Variants in TRPV4 observed in about 807,000 individuals in gnomAD.
TRPV4 encodes transient receptor potential cation channel subfamily V member 4.
A neutral mutation model predicts 84.1 loss-of-function variants in TRPV4; 58 were observed. The ratio of observed to expected loss-of-function variants is 0.69; its 90% CI spans 0.56 to 0.86. The LOEUF (loss-of-function observed/expected upper bound fraction) is 0.86, where lower values mean the gene tolerates loss of function less well. Ranked by LOEUF, TRPV4 falls within the 40% of genes least tolerant of loss-of-function variation. The pLI, the probability that TRPV4 is intolerant of heterozygous loss-of-function variation, is 0.00. For missense variants in TRPV4, 879 were observed against 1,181.1 expected (o/e 0.74, Z 3.75); for synonymous variants, 489 against 500.9 (o/e 0.98, Z 0.32).
At chr12:109,805,063 G>T (rs1169581464) in intron 3 of TRPV4, among the ~76,000 whole-genome samples, 1 of 152,152 alleles carries the variant, frequency 6.6e-6, no homozygotes, top group Non-Finnish European at 1.5e-5. Flanking sequence ...CTCCAGTACA[G>T]CCTTTTGTTG....
Position 109,827,785 on chromosome 12 carries a change from T to TATATACACAA in TRPV4, c.-32+5564_-32+5565insTTGTGTATAT, listed in dbSNP as rs1358238082. ...ACATACACACATATATACACAAACA[T>TATATACACAA]ACACATAAACATATAGTCATACATA... On this transcript the variant is annotated intron_variant, in intron 1 of 15. Transcript: ENST00000261740. 2.6e-4 allele frequency among the ~76,000 whole-genome samples: 24 copies of TATATACACAA among 93,180 alleles called. 1 individual carries two copies. The highest frequency in any genetic ancestry group is 2.5e-5 in the Non-Finnish European group (1 of 39,598). 61.1% of individuals were successfully genotyped at this position (93,180 alleles called of 152,430 possible). A position where few individuals can be genotyped will look rare whatever the true frequency, so the allele number is the denominator to read the frequency against.
At position 109,783,538 on chromosome 12, in the gene TRPV4, G is replaced by T. The variant is rs1360617913; in HGVS notation, c.*83C>A. 26 of 1,533,340 alleles carry T rather than the reference G, an allele frequency of 1.7e-5. No individual in the cohort carries two copies. Among genetic ancestry groups the T allele is most frequent in the Admixed American group, 9.0e-5 (5 of 55,840 alleles). 95.0% of individuals were successfully genotyped at this position (1,533,340 alleles called of 1,614,324 possible). On this transcript the variant is annotated 3_prime_UTR_variant, in exon 16 of 16. Transcript: ENST00000261740. This position sits in a 1 kb window ranked among gnomAD's most constrained non-coding sequence, Gnocchi z 4.6. ...CGCCTCTGGGGCCAAAGCAGGGTGT[G>T]GGGGGACACCCCAGAAGGCACTGCT...
intron 1 of TRPV4, among the ~76,000 whole-genome samples, chr12:109,820,387 C>T (rs1303030624): frequency 7.3e-6 from 1 of 136,898 alleles, no homozygotes; most frequent in African/African-American, 2.6e-5. Flanking sequence ...TCATGGCCCC[C>T]TGAGCCGGTG....
intron 12 of TRPV4, among the ~76,000 whole-genome samples, chr12:109,789,597 G>C (rs1352586961): frequency 6.6e-6 from 1 of 152,108 alleles, no homozygotes; most frequent in African/African-American, 2.4e-5. Context: ...TGGAGCTTCA[G>C]ATTCCTTCTC....
chr12:109,807,329 G>A (rs538397309), intron 3 of TRPV4, among the ~76,000 whole-genome samples: 2 of 149,980 alleles, frequency 1.3e-5, no homozygotes, highest in Non-Finnish European at 3.0e-5. Context: ...CTCAGACTTA[G>A]GCTGTAGACC....
intron 4 of TRPV4, among the ~76,000 whole-genome samples, chr12:109,801,028 AGAG>A (rs1468552949): frequency 2.0e-5 from 3 of 152,244 alleles, no homozygotes; most frequent in Non-Finnish European, 2.9e-5. Context: ...TAAAAATCCT[AGAG>A]GAGGCCAGGC....
rs751269956 is a variant in TRPV4, at chr12:109,794,437, G to T, written c.1383C>A (p.Asp461Glu). Residue 461 changes from aspartate to glutamate, a missense_variant, in exon 8 of 16, where the codon GAC (aspartate) becomes GAA (glutamate). Physicochemically the swap from Asp to Glu is conservative, Grantham distance 45 (BLOSUM62 2). Transcript: ENST00000261740. ...AGACGGCCCCGAACTTGCGCCACTT[G>T]TCCCGCAGCAGTTCATTGATGGGCT... ...AVEPINELLR[D>E]KWRKFGAVSF... 1.2e-6 allele frequency: 2 copies of T among 1,614,074 alleles called. No homozygotes were observed. Among genetic ancestry groups the T allele is most frequent in the South Asian group, 2.2e-5 (2 of 91,088 alleles).
In TRPV4 at chr12:109,786,894, G is replaced by C; in HGVS notation, c.2209-57C>G. Reference sequence around the variant, plus strand: ...GTGAGCCTCACAGCCTGCGCCTGCCGCTCTGGTGGCAGAAATGAGACAACG... The same window carrying C: ...GTGAGCCTCACAGCCTGCGCCTGCCCCTCTGGTGGCAGAAATGAGACAACG... On this transcript the variant is annotated intron_variant, in intron 13 of 15. Coordinates refer to ENST00000261740, the MANE Select transcript of TRPV4 (RefSeq NM_021625.5). The surrounding 1 kb of genome is among the most constrained non-coding windows in gnomAD (Gnocchi z 4.5). 1 of 1,608,782 alleles carries C rather than the reference G, an allele frequency of 6.2e-7. No individual in the cohort carries two copies. Among genetic ancestry groups the C allele is most frequent in the East Asian group, 2.2e-5 (1 of 44,754 alleles).
In TRPV4 at chr12:109,786,725, C is replaced by A. The variant is rs768220461; in HGVS notation, c.2321G>T (p.Arg774Leu). 2 of 1,613,846 alleles carry A rather than the reference C, an allele frequency of 1.2e-6. No homozygotes were observed. Among genetic ancestry groups the A allele is most frequent in the Admixed American group, 1.7e-5 (1 of 60,024 alleles). Residue 774 changes from arginine (R) to leucine (L), a missense_variant, in exon 14 of 16, where the codon CGC (arginine) becomes CTC (leucine). Around this residue, in one of 4 missense-constraint regions of TRPV4, gnomAD observed 242 missense variants for 355.3 expected, o/e 0.68. Coordinates refer to ENST00000261740, the MANE Select transcript of TRPV4 (RefSeq NM_021625.5). The surrounding 1 kb of genome is among the most constrained non-coding windows in gnomAD (Gnocchi z 4.5). ...VGKSSDGTPD[R>L]RWCFRVDEVN... ...CCAGCCTCACCTGAAGCACCACCTG[C>A]GGTCAGGAGTGCCGTCCGAGCTCTT...
chr12:109,814,855 C>A lies in TRPV4; in HGVS notation c.-31-28G>T. On this transcript the variant is annotated intron_variant, in intron 1 of 15. Coordinates refer to ENST00000261740, the MANE Select transcript of TRPV4 (RefSeq NM_021625.5). This position sits in a 1 kb window ranked among gnomAD's most constrained non-coding sequence, Gnocchi z 5.4. Reference sequence around the variant, plus strand: ...GCAAGGGAATGAAAGGGGAGTCAGGCAGAACCCGGCCAGGGGCGGGGGCTC... The same window carrying A: ...GCAAGGGAATGAAAGGGGAGTCAGGAAGAACCCGGCCAGGGGCGGGGGCTC... 6.5e-7 allele frequency: 1 copy of A among 1,532,004 alleles called. No individual in the cohort carries two copies. Among genetic ancestry groups the A allele is most frequent in the South Asian group, 1.2e-5 (1 of 83,890 alleles). The allele number at this position is 1,532,004 out of a possible 1,614,324, so 94.9% of individuals were successfully genotyped here. A position where few individuals can be genotyped will look rare whatever the true frequency, so the allele number is the denominator to read the frequency against.
At chr12:109,811,395 C>T (rs779646559) in intron 2 of TRPV4, among the ~76,000 whole-genome samples, 4 of 152,202 alleles carry the variant, frequency 2.6e-5, no homozygotes. Flanking sequence ...CGGTGGCTCA[C>T]GCCTGTAATC....
chr12:109,829,624 G>A (rs1199328743), intron 1 of TRPV4, among the ~76,000 whole-genome samples: 2 of 152,222 alleles, frequency 1.3e-5, no homozygotes, highest in Non-Finnish European at 2.9e-5. Context: ...AGCTGACACG[G>A]GCTGAGGCAG....
Position 109,793,899 on chromosome 12 carries a change from AG to A in TRPV4, c.1584+30del, listed in dbSNP as rs1256642906. 7.1e-7 allele frequency: 1 copy of A among 1,415,720 alleles called. No individual in the cohort carries two copies. Among genetic ancestry groups the A allele is most frequent in the Non-Finnish European group, 9.7e-7 (1 of 1,031,856 alleles). 87.7% of individuals were successfully genotyped at this position (1,415,720 alleles called of 1,614,324 possible). A position where few individuals can be genotyped will look rare whatever the true frequency, so the allele number is the denominator to read the frequency against. ...GCAGGAAGAGAAGAGGAGGGCAGGC[AG>A]GGTGGGGGGCACGGGGGCCAGGCAC... On this transcript the variant is annotated intron_variant, in intron 9 of 15. Transcript: ENST00000261740. The surrounding 1 kb of genome is among the most constrained non-coding windows in gnomAD (Gnocchi z 4.0).
chr12:109,827,865 CACACAT>C (rs1381745017), intron 1 of TRPV4, among the ~76,000 whole-genome samples: 6 of 151,798 alleles, frequency 4.0e-5, no homozygotes, highest in Non-Finnish European at 7.4e-5. Context: ...CATACATATA[CACACAT>C]ACACATACAC....
At position 109,814,942 on chromosome 12, in the gene TRPV4, G is replaced by T; in HGVS notation, c.-31-115C>A. 1 of 1,027,554 alleles carries T rather than the reference G, an allele frequency of 9.7e-7. No homozygotes were observed. The highest frequency in any genetic ancestry group is 1.4e-6 in the Non-Finnish European group (1 of 711,830). The allele number at this position is 1,027,554 out of a possible 1,614,324, so 63.7% of individuals were successfully genotyped here. ...TGCCAGCTGCTTCAAAGCCACCGTT[G>T]TAATGACAGGGGCACAGGGAGGCCA... On this transcript the variant is annotated intron_variant, in intron 1 of 15. Coordinates refer to ENST00000261740, the MANE Select transcript of TRPV4 (RefSeq NM_021625.5). This position sits in a 1 kb window ranked among gnomAD's most constrained non-coding sequence, Gnocchi z 5.4.
At chr12:109,792,107 G>A (rs985689393) in intron 12 of TRPV4, among the ~76,000 whole-genome samples, 12 of 151,552 alleles carry the variant, frequency 7.9e-5, no homozygotes, top group African/African-American at 1.9e-4. Context: ...ATAGTGGGGC[G>A]TGGTGGCAGG....
chr12:109,802,841 TC>T, intron 4 of TRPV4, 149 bp downstream of exon 4: 1 of 680,966 alleles, frequency 1.5e-6, no homozygotes, highest in Non-Finnish European at 2.6e-6. Flanking sequence ...CATCCATGCA[TC>T]CATCCATCCA....
intron 1 of TRPV4, among the ~76,000 whole-genome samples, chr12:109,828,033 C>T (rs956956724): frequency 3.3e-5 from 5 of 152,306 alleles, no homozygotes; most frequent in South Asian, 2.1e-4. Context: ...CAGGGGAAAA[C>T]GGGCGCCTGG....
chr12:109,800,891 C>A (rs900751349), intron 4 of TRPV4, 133 bp from the exon 5 acceptor site: 1 of 839,274 alleles, frequency 1.2e-6, no homozygotes, highest in African/African-American at 1.7e-5. Context: ...CCCAGCGACA[C>A]CCAAGGGCAG....
Sources: gnomAD v4.1 joint callset for allele counts (sites outside exome capture counted in the v4.1 genomes callset) on GRCh38, gnomAD v4.1.1 for gene constraint, gnomAD v4.1.1 regional missense constraint, Gnocchi (gnomAD v3.1) non-coding constraint, MANE v1.5 for transcripts, NCBI Gene and HGNC (gene_info 2026-07-23, HGNC 2026-07-21) for gene names.